The following BABAM2 variants were observed in gnomAD, a reference collection of about 807,000 sequenced individuals.
BABAM2 encodes the protein BRISC and BRCA1-A complex member 2.
Under a neutral mutation model 54.7 loss-of-function variants are expected in BABAM2, and 31 were observed. The ratio of observed to expected loss-of-function variants is 0.57; its 90% CI spans 0.43 to 0.77. BABAM2 has a LOEUF of 0.77. Among genes scored for constraint, BABAM2 ranks in the 30% least tolerant of loss-of-function variants. The pLI is 0.00. For synonymous variants in BABAM2, 167 were observed against 162.9 expected (o/e 1.03, Z -0.19); for missense variants, 364 against 455.8 (o/e 0.80, Z 1.83).
intron 6 of BABAM2, among the ~76,000 whole-genome samples, chr2:28,090,158 G>A (rs1442884381): frequency 6.6e-6 from 1 of 152,134 alleles, no homozygotes; most frequent in African/African-American, 2.4e-5. Flanking sequence ...TGAGTAAAAG[G>A]TAGTAATCAT....
At chr2:28,089,994 G>T (rs1405249739) in intron 6 of BABAM2, among the ~76,000 whole-genome samples, 2 of 151,724 alleles carry the variant, frequency 1.3e-5, no homozygotes, top group Admixed American at 6.6e-5. Flanking sequence ...AGATTATTCT[G>T]ACAGTCTTCT....
intron 7 of BABAM2, among the ~76,000 whole-genome samples, chr2:28,220,745 A>G (rs1173205931): frequency 6.6e-6 from 1 of 152,176 alleles, no homozygotes; most frequent in African/African-American, 2.4e-5. Context: ...CCTGGGCAAC[A>G]TAGGAAGACC....
At chr2:28,171,988 G>A (rs1478985742) in intron 7 of BABAM2, among the ~76,000 whole-genome samples, 2 of 152,082 alleles carry the variant, frequency 1.3e-5, no homozygotes, top group Non-Finnish European at 2.9e-5. Flanking sequence ...TTTACTTCAG[G>A]GATGTGATTA....
intron 7 of BABAM2, among the ~76,000 whole-genome samples, chr2:28,165,529 C>CTTTTTTTTTTTTTTTTTTTTTTT (rs1192641957): frequency 1.4e-5 from 1 of 72,254 alleles, no homozygotes; most frequent in African/African-American, 5.7e-5. Flanking sequence ...TTTTTCCTTG[C>CTTTTTTTTTTTTTTTTTTTTTTT]TTTTTTTTTT....
At chr2:28,300,619 T>C (rs866195380) in intron 11 of BABAM2, among the ~76,000 whole-genome samples, 9 of 152,190 alleles carry the variant, frequency 5.9e-5, no homozygotes, top group Non-Finnish European at 1.5e-5. Context: ...GTGGTTTCCA[T>C]GGCAAAGCTA....
chr2:28,093,564 C>T (rs932597273), intron 6 of BABAM2, among the ~76,000 whole-genome samples: 8 of 152,102 alleles, frequency 5.3e-5, no homozygotes, highest in African/African-American at 1.4e-4. Context: ...GAGCCGGCTA[C>T]GACGTATACC....
rs569278952 is a variant in BABAM2, at chr2:28,265,427, A to AAAAT, written c.934+20579_934+20582dup. ...AGGTGACAGAGCGAGACTCTGTCTC[A>AAAAT]AAATAAATAAATAAATAGGACACAA... On this transcript the variant is annotated intron_variant, in intron 10 of 11. Transcript: ENST00000379624. 1.3e-4 allele frequency among the ~76,000 whole-genome samples: 20 copies of AAAAT among 152,284 alleles called. No homozygotes were observed. The East Asian group carries it at 3.7e-3, about 28-fold the overall frequency.
chr2:28,057,944 C>T (rs148564481), intron 6 of BABAM2, among the ~76,000 whole-genome samples: 363 of 152,098 alleles, frequency 2.4e-3, no homozygotes, highest in African/African-American at 8.2e-3. Flanking sequence ...GAGATCGAGA[C>T]CATCCTGGCT....
chr2:28,075,575 T>TGTGC (rs1664587607), intron 6 of BABAM2, among the ~76,000 whole-genome samples: 1 of 152,136 alleles, frequency 6.6e-6, no homozygotes, highest in South Asian at 2.1e-4. Flanking sequence ...TGTGTGTGTG[T>TGTGC]GTGCGTGTGT....
intron 7 of BABAM2, among the ~76,000 whole-genome samples, chr2:28,175,047 T>C (rs1573753585): frequency 6.6e-6 from 1 of 152,070 alleles, no homozygotes; most frequent in East Asian, 1.9e-4. Context: ...CTAAAGCTAT[T>C]GCCACTGACA....
At chr2:28,112,409 C>T (rs759793646) in intron 6 of BABAM2, among the ~76,000 whole-genome samples, 43 of 151,458 alleles carry the variant, frequency 2.8e-4, no homozygotes, top group Non-Finnish European at 3.8e-4. Context: ...TTCTTGTGTC[C>T]ATGTGTTCTC....
intron 6 of BABAM2, among the ~76,000 whole-genome samples, chr2:28,068,610 CA>C (rs1279926029): frequency 9.9e-5 from 15 of 152,056 alleles, no homozygotes; most frequent in African/African-American, 3.4e-4. Context: ...ATGAGAATTT[CA>C]GCAGATTATA....
At chr2:28,228,881 T>TA (rs1266338459) in intron 7 of BABAM2, among the ~76,000 whole-genome samples, 6 of 152,214 alleles carry the variant, frequency 3.9e-5, no homozygotes, top group Admixed American at 3.9e-4. Context: ...TTAACAAACT[T>TA]ACAAAACACA....
chr2:28,064,719 T>C (rs889620322), intron 6 of BABAM2, among the ~76,000 whole-genome samples: 2 of 152,158 alleles, frequency 1.3e-5, no homozygotes, highest in African/African-American at 4.8e-5. Flanking sequence ...AACATATACT[T>C]GTCTGGGTGC....
At chr2:28,226,232 G>C (rs1680872948) in intron 7 of BABAM2, among the ~76,000 whole-genome samples, 1 of 152,158 alleles carries the variant, frequency 6.6e-6, no homozygotes, top group African/African-American at 2.4e-5. Flanking sequence ...TGGATGCAAA[G>C]ATGACAATAT....
At chr2:28,244,909 T>C (rs1682777321) in intron 10 of BABAM2, 47 bp downstream of exon 10, 1 of 1,532,722 alleles carries the variant, frequency 6.5e-7, no homozygotes, top group African/African-American at 1.4e-5. Flanking sequence ...TTTTTAAATG[T>C]CCTAAACCAC....
At chr2:28,117,123 T>A (rs72854485) in intron 6 of BABAM2, among the ~76,000 whole-genome samples, 467 of 152,250 alleles carry the variant, frequency 3.1e-3, no homozygotes, top group African/African-American at 0.011. Context: ...AGGCAGCAAG[T>A]CCAGAGAACT....
chr2:28,062,639 A>C (rs539915146), intron 6 of BABAM2, among the ~76,000 whole-genome samples: 5 of 152,094 alleles, frequency 3.3e-5, no homozygotes, highest in African/African-American at 1.2e-4. Flanking sequence ...CTGCATTATC[A>C]GCAATGATAC....
At chr2:27,894,792 CCAAGTCATCAT>C in intron 2 of BABAM2, 108 bp downstream of exon 2, 1 of 1,305,612 alleles carries the variant, frequency 7.7e-7, no homozygotes, top group Non-Finnish European at 1.1e-6. Flanking sequence ...CAGAAACCCA[CCAAGTCATCAT>C]CTCATCATAT....
Sources: allele counts gnomAD v4.1 joint callset (sites outside exome capture counted in the v4.1 genomes callset), GRCh38; gene constraint gnomAD v4.1.1; transcripts MANE v1.5; gene names NCBI Gene and HGNC (gene_info 2026-07-23, HGNC 2026-07-21).